The following JAML variants were observed in gnomAD, a reference collection of about 807,000 sequenced individuals.
JAML encodes the protein junctional adhesion molecule-like.
A neutral mutation model predicts 39.3 loss-of-function variants in JAML; 25 were observed. That is an observed-to-expected ratio of 0.64 (90% CI 0.46 to 0.89). JAML has a LOEUF of 0.89. Among genes scored for constraint, JAML ranks in the 40% least tolerant of loss-of-function variants. The pLI is 0.00. For synonymous variants in JAML, 162 were observed against 179.2 expected, an observed-to-expected ratio of 0.90 and a Z score of 0.77; for missense variants, 440 against 486.9, an observed-to-expected ratio of 0.90 and a Z score of 0.91.
At position 118,205,870 on chromosome 11, in the gene JAML, C is replaced by T; in HGVS notation, c.534+12G>A. The T allele has an allele frequency of 6.2e-7, 1 of 1,609,032 alleles. No homozygotes were observed. The highest frequency in any genetic ancestry group is 8.5e-7 in the Non-Finnish European group (1 of 1,175,452). On this transcript the variant is annotated intron_variant, in intron 5 of 9. Coordinates refer to ENST00000356289, the MANE Select transcript of JAML (RefSeq NM_001098526.2). Reference sequence around the variant, plus strand: ...AGCCTTCTCTAACACAGTGATGTTTCCTCCTTGTTACCTTTGCGCGCCGTC... The same window carrying T: ...AGCCTTCTCTAACACAGTGATGTTTTCTCCTTGTTACCTTTGCGCGCCGTC...
At chr11:118,198,300 T>C (rs556998827) in intron 7 of JAML, among the ~76,000 whole-genome samples, 2 of 152,278 alleles carry the variant, frequency 1.3e-5, no homozygotes, top group South Asian at 4.1e-4. Context: ...GTTCTGGAGA[T>C]AATTTAGGCT....
At chr11:118,223,664 G>C (rs535531964) in intron 1 of JAML, among the ~76,000 whole-genome samples, 1 of 152,176 alleles carries the variant, frequency 6.6e-6, no homozygotes, top group East Asian at 1.9e-4. Flanking sequence ...TTGCCTTTTA[G>C]AAATTTTGGA....
intron 1 of JAML, among the ~76,000 whole-genome samples, chr11:118,220,620 G>C (rs1949200431): frequency 6.6e-6 from 1 of 152,170 alleles, no homozygotes; most frequent in Non-Finnish European, 1.5e-5. Flanking sequence ...TTATAACCAA[G>C]AGCAGAATAA....
chr11:118,210,665 C>A lies in JAML; in HGVS notation c.246G>T (p.Gly82=), dbSNP rs1324047995. 6.2e-7 allele frequency: 1 copy of A among 1,614,168 alleles called. No individual in the cohort carries two copies. Among genetic ancestry groups the A allele is most frequent in the East Asian group, 2.2e-5 (1 of 44,894 alleles). ...YYYSNLSVPI[G]RFQNRVHLMG... ...TCAAGTGTACGCGGTTCTGGAAGCG[C>A]CCAATAGGCACACTGAGATTGGAGT... is the stretch of plus-strand genomic sequence containing the variant. The change falls in exon 4 of 10, where the codon GGG becomes GGT. Residue 82 remains glycine (G), a synonymous_variant. Transcript: ENST00000356289.
Position 118,200,683 on chromosome 11 carries a change from T to C in JAML, c.773-71A>G, listed in dbSNP as rs557908465. 5.6e-5 allele frequency: 89 copies of C among 1,578,642 alleles called. No homozygotes were observed. In the East Asian group the frequency reaches 1.9e-3, roughly 33 times the overall value. On this transcript the variant is annotated intron_variant, in intron 6 of 9. Transcript: ENST00000356289. Reference sequence around the variant, plus strand: ...AAGAGCTGAGAGCCCCACAGCCCTATACCAAGTAGCACCAGCCAGGCCACG... The same window carrying C: ...AAGAGCTGAGAGCCCCACAGCCCTACACCAAGTAGCACCAGCCAGGCCACG...
intron 1 of JAML, 47 bp downstream of exon 1, chr11:118,224,894 G>A (rs1392465419): frequency 6.6e-6 from 1 of 152,202 alleles, no homozygotes; most frequent in Non-Finnish European, 1.5e-5. Context: ...ACTTCTGTGT[G>A]AGAAAAGTTC....
intron 6 of JAML, 26 bp downstream of exon 6, chr11:118,203,402 A>G (rs1793173): frequency 0.76 from 1,222,640 of 1,602,476 alleles, 467,995 homozygotes; most frequent in African/African-American, 0.91. Context: ...AGGTCCCTCA[A>G]TGCTCCCCAG....
chr11:118,205,691 T>A, intron 5 of JAML, 191 bp downstream of exon 5: 1 of 577,368 alleles, frequency 1.7e-6, no homozygotes, highest in Admixed American at 3.1e-5. Flanking sequence ...ATCATCATCA[T>A]CTTCTTGTTC....
intron 2 of JAML, among the ~76,000 whole-genome samples, chr11:118,214,268 A>T (rs985065576): frequency 6.6e-6 from 1 of 152,164 alleles, no homozygotes; most frequent in African/African-American, 2.4e-5. Flanking sequence ...GGAGATGGCC[A>T]GGTCAGGCTC....
Position 118,218,329 on chromosome 11 carries a change from G to A in JAML, c.-20-3443C>T, listed in dbSNP as rs148265845. Among the ~76,000 whole-genome samples, 357 of 152,276 alleles carry A rather than the reference G, an allele frequency of 2.3e-3. 2 individuals are homozygous for A. Among genetic ancestry groups the A allele is most frequent in the African/African-American group, 8.3e-3 (345 of 41,548 alleles). On this transcript the variant is annotated intron_variant, in intron 1 of 9. Coordinates refer to ENST00000356289, the MANE Select transcript of JAML (RefSeq NM_001098526.2). The stretch of plus-strand genomic sequence containing the variant: ...GCTGGTCTCAAACTCCCCACCTCAG[G>A]TGATCCACCCACTTCAGCCTACCAA...
At chr11:118,200,346 T>G in intron 7 of JAML, 128 bp downstream of exon 7, 1 of 1,164,632 alleles carries the variant, frequency 8.6e-7, no homozygotes, top group Non-Finnish European at 1.2e-6. Flanking sequence ...CCACAGATGA[T>G]TCCATTTAAA....
intron 1 of JAML, among the ~76,000 whole-genome samples, chr11:118,218,575 T>C (rs567685476): frequency 1.3e-5 from 2 of 152,232 alleles, no homozygotes; most frequent in South Asian, 4.1e-4. Flanking sequence ...GCCAGCATGG[T>C]GTGAGGTACG....
At chr11:118,195,746 A>AC (rs139105238) in intron 9 of JAML, among the ~76,000 whole-genome samples, 1,729 of 152,326 alleles carry the variant, frequency 0.011, 11 homozygotes, top group Non-Finnish European at 0.017. Context: ...AAGGAACCCT[A>AC]CTTTGACCTT....
In JAML at chr11:118,200,541, C is replaced by T. The variant is rs780675868; in HGVS notation, c.844G>A (p.Val282Ile). 6 of 1,614,084 alleles carry T rather than the reference C, an allele frequency of 3.7e-6. No homozygotes were observed. Residue 282 changes from valine to isoleucine, a missense_variant, in exon 7 of 10, where the codon GTC becomes ATC. Transcript: ENST00000356289. Reference sequence around the variant, plus strand: ...GGGAGCAGCAGGATTGTGGCACAGACAATTCCCACAATGATCACCAACTGA... The same window carrying T: ...GGGAGCAGCAGGATTGTGGCACAGATAATTCCCACAATGATCACCAACTGA... Reference protein sequence around the residue: ...GNQLVIIVGIVCATILLLPVL... With the variant: ...GNQLVIIVGIICATILLLPVL...
In JAML at chr11:118,200,461, G is replaced by T; in HGVS notation, c.911+13C>A. On this transcript the variant is annotated intron_variant, in intron 7 of 9. Transcript: ENST00000356289. Reference sequence around the variant, plus strand: ...CCAGCCTCCCAATCCAAGGGGTGGGGGTAGCCCTGTACCTCTTATTTCCAC... The same window carrying T: ...CCAGCCTCCCAATCCAAGGGGTGGGTGTAGCCCTGTACCTCTTATTTCCAC... The T allele has an allele frequency of 1.2e-6, 2 of 1,613,870 alleles. No individual in the cohort carries two copies. The highest frequency in any genetic ancestry group is 1.7e-6 in the Non-Finnish European group (2 of 1,179,928).
intron 2 of JAML, among the ~76,000 whole-genome samples, chr11:118,214,364 G>T (rs1052355365): frequency 2.0e-5 from 3 of 152,112 alleles, no homozygotes; most frequent in Non-Finnish European, 2.9e-5. Flanking sequence ...TGGGAGGAAG[G>T]TTCCAGGCAA....
At chr11:118,214,691 T>C (rs1750823035) in intron 2 of JAML, 133 bp downstream of exon 2, 4 of 915,248 alleles carry the variant, frequency 4.4e-6, no homozygotes, top group African/African-American at 1.7e-5. Context: ...TCAACAAAAC[T>C]GTGAAGTTCC....
At chr11:118,212,645 A>G (rs1949086010) in intron 2 of JAML, 84 bp from the exon 3 acceptor site, 1 of 1,548,550 alleles carries the variant, frequency 6.5e-7, no homozygotes, top group Non-Finnish European at 8.7e-7. Flanking sequence ...GGAGTACTAA[A>G]CACCCCTCTC....
At chr11:118,217,283 C>G (rs1022062607) in intron 1 of JAML, among the ~76,000 whole-genome samples, 1 of 152,188 alleles carries the variant, frequency 6.6e-6, no homozygotes, top group East Asian at 1.9e-4. Flanking sequence ...TGCAGCAGTC[C>G]CCGCTCCACT....
Sources: gnomAD v4.1 joint callset for allele counts (sites outside exome capture counted in the v4.1 genomes callset) on GRCh38, gnomAD v4.1.1 for gene constraint, MANE v1.5 for transcripts, NCBI Gene and HGNC (gene_info 2026-07-23, HGNC 2026-07-21) for gene names.